Variants in CLSTN3 observed in about 807,000 individuals in gnomAD.
CLSTN3 encodes the protein calsyntenin-3.
In CLSTN3, 36 loss-of-function variants were observed where a neutral mutation model predicts 95.9. The ratio of observed to expected loss-of-function variants is 0.38; its 90% CI spans 0.29 to 0.50. CLSTN3 has a LOEUF of 0.50. CLSTN3 is among the 20% of genes least tolerant of loss of function. The probability of loss-of-function intolerance (pLI) is 0.95; values close to 1 mark genes in which losing one functional copy is unlikely to be tolerated. For missense variants in CLSTN3, 1,084 were observed against 1,268.8 expected, an observed-to-expected ratio of 0.85 and a Z score of 2.21; for synonymous variants, 481 against 504.0, an observed-to-expected ratio of 0.95 and a Z score of 0.61.
chr12:7,132,986 C>T, intron 1 of CLSTN3, 38 bp from the exon 2 acceptor site: 1 of 1,611,858 alleles, frequency 6.2e-7, no homozygotes, highest in Non-Finnish European at 8.5e-7. Flanking sequence ...AGGCCCTGCT[C>T]ACAGGTGCTT....
At position 7,148,994 on chromosome 12, in the gene CLSTN3, G is replaced by A. The variant is rs753606577; in HGVS notation, c.1870G>A (p.Val624Ile). ...TAGGTGCTTCAGCGAAGAGTCCTGC[G>A]TCTCCATCCCTGAAGTGGAGGGCTA... ...AVKCFSEESC[V>I]SIPEVEGYVV... The change falls in exon 13 of 18, where the codon GTC becomes ATC. Residue 624 changes from valine to isoleucine, a missense_variant. By Grantham distance (29) the Val-to-Ile change is conservative. Transcript: ENST00000266546. The A allele has an allele frequency of 2.0e-5, 32 of 1,614,046 alleles. No individual in the cohort carries two copies. Among genetic ancestry groups the A allele is most frequent in the African/African-American group, 9.3e-5 (7 of 74,906 alleles).
rs1441633529 is a variant in CLSTN3 at position 7,150,370 on chromosome 12, G to A, written c.2246-174G>A. On this transcript the variant is annotated intron_variant, in intron 14 of 17. Coordinates refer to ENST00000266546, the MANE Select transcript of CLSTN3 (RefSeq NM_014718.4). The surrounding 1 kb of genome is among the most constrained non-coding windows in gnomAD (Gnocchi z 4.0). ...CTCTCCATCCTAGTTAGTCAGAGTG[G>A]GCAGGGATGGAGGGGAGCATCCCTC... Among the ~76,000 whole-genome samples, 2 of 152,164 alleles carry A rather than the reference G, an allele frequency of 1.3e-5. No homozygotes were observed. The highest frequency in any genetic ancestry group is 2.9e-5 in the Non-Finnish European group (2 of 68,026).
chr12:7,150,640 C>T lies in CLSTN3; in HGVS notation c.2342C>T (p.Ser781Phe). ...CTCTACACCAGGAAGTTCCGGCTTTCCTGCTCGGAAATGAATGGCCGTTAC... is the reference window on the plus strand; with the variant it reads ...CTCTACACCAGGAAGTTCCGGCTTTTCTGCTCGGAAATGAATGGCCGTTAC... Reference protein sequence around the residue: ...AALYTRKFRLSCSEMNGRYSS... With the variant: ...AALYTRKFRLFCSEMNGRYSS... Residue 781 changes from serine (S) to phenylalanine (F), a missense_variant, in exon 15 of 18, where the codon TCC (serine) becomes TTC (phenylalanine). Ser to Phe is a radical substitution (Grantham distance 155). Transcript: ENST00000266546. The surrounding 1 kb of genome is among the most constrained non-coding windows in gnomAD (Gnocchi z 4.0). The T allele has an allele frequency of 6.2e-7, 1 of 1,614,182 alleles. No homozygotes were observed. Among genetic ancestry groups the T allele is most frequent in the Non-Finnish European group, 8.5e-7 (1 of 1,180,022 alleles).
Position 7,157,754 on chromosome 12 carries a change from C to T in CLSTN3, c.2730+63C>T. 1 of 1,524,582 alleles carries T rather than the reference C, an allele frequency of 6.6e-7. No homozygotes were observed. Among genetic ancestry groups the T allele is most frequent in the Non-Finnish European group, 8.9e-7 (1 of 1,128,330 alleles). 94.4% of individuals were successfully genotyped at this position (1,524,582 alleles called of 1,614,324 possible). A position where few individuals can be genotyped will look rare whatever the true frequency, so the allele number is the denominator to read the frequency against. On this transcript the variant is annotated intron_variant, in intron 17 of 17. Coordinates refer to ENST00000266546, the MANE Select transcript of CLSTN3 (RefSeq NM_014718.4). The surrounding 1 kb of genome is among the most constrained non-coding windows in gnomAD (Gnocchi z 5.9). The stretch of plus-strand genomic sequence containing the variant: ...GACTGTGGAGCACACACGGTGAGGA[C>T]TCCTGAGGAGGGGCAGGCCTGGGTG...
intron 1 of CLSTN3, chr12:7,131,667 G>A: frequency 2.4e-6 from 1 of 418,280 alleles, no homozygotes; most frequent in Admixed American, 2.5e-5. Flanking sequence ...AGGGTGGGAG[G>A]GGGAGCTGTG....
Position 7,142,986 on chromosome 12 carries a change from T to C in CLSTN3, c.1658T>C (p.Leu553Pro). 1 of 1,614,224 alleles carries C rather than the reference T, an allele frequency of 6.2e-7. No individual in the cohort carries two copies. The highest frequency in any genetic ancestry group is 8.5e-7 in the Non-Finnish European group (1 of 1,180,036). ...TGCCTCTATGCATGTCGGGAGGGGC[T>C]GGACTATAGGGATTTCGAGAGCCTG... is the stretch of plus-strand genomic sequence containing the variant. ...IECLYACREG[L>P]DYRDFESLGK... The change falls in exon 11 of 18, where the codon CTG (leucine) becomes CCG (proline). Residue 553 changes from leucine to proline, a missense_variant. Coordinates refer to ENST00000266546, the MANE Select transcript of CLSTN3 (RefSeq NM_014718.4).
intron 16 of CLSTN3, among the ~76,000 whole-genome samples, chr12:7,154,686 G>A (rs1939786850): frequency 6.6e-6 from 1 of 152,056 alleles, no homozygotes; most frequent in Non-Finnish European, 1.5e-5. Context: ...ACGTGTCAGT[G>A]GTTTTTAAAA....
rs751836170 is a variant in CLSTN3 at position 7,157,196 on chromosome 12, T to A, written c.2528-293T>A. Among the ~76,000 whole-genome samples the A allele has an allele frequency of 1.2e-4, 19 of 152,258 alleles. No homozygotes were observed. In the East Asian group the frequency reaches 3.5e-3, roughly 28 times the overall value. Reference sequence around the variant, plus strand: ...CTGCGAATAGGGCTGTTCATGACAGTGTTGGGCAGGGAGTCTTTTTCCTCC... The same window carrying A: ...CTGCGAATAGGGCTGTTCATGACAGAGTTGGGCAGGGAGTCTTTTTCCTCC... On this transcript the variant is annotated intron_variant, in intron 16 of 17. Coordinates refer to ENST00000266546, the MANE Select transcript of CLSTN3 (RefSeq NM_014718.4). The surrounding 1 kb of genome is among the most constrained non-coding windows in gnomAD (Gnocchi z 5.9).
intron 11 of CLSTN3, 48 bp from the exon 12 acceptor site, chr12:7,143,115 T>G (rs753985696): frequency 2.1e-5 from 34 of 1,600,920 alleles, no homozygotes; most frequent in Non-Finnish European, 2.8e-5. Flanking sequence ...TCCCTTCCTC[T>G]GCCACCTCCT....
intron 1 of CLSTN3, chr12:7,131,968 T>C (rs1208435377): frequency 2.2e-6 from 1 of 452,498 alleles, no homozygotes; most frequent in Non-Finnish European, 4.5e-6. Context: ...TCCCTCTGCC[T>C]CATGATTGTG....
intron 16 of CLSTN3, among the ~76,000 whole-genome samples, chr12:7,152,306 A>G (rs995729573): frequency 2.0e-5 from 3 of 152,006 alleles, no homozygotes; most frequent in Admixed American, 6.6e-5. Flanking sequence ...GATTTTTGGA[A>G]CCCCTTCTTA....
chr12:7,134,953 G>A (rs1359980080), intron 3 of CLSTN3, among the ~76,000 whole-genome samples: 1 of 152,168 alleles, frequency 6.6e-6, no homozygotes, highest in Non-Finnish European at 1.5e-5. Flanking sequence ...GCCCTGTGGG[G>A]TGGGGAGGAG....
In CLSTN3 at chr12:7,136,476, A is replaced by G. The variant is rs756768220; in HGVS notation, c.928+85A>G. Reference sequence around the variant, plus strand: ...CTTTTCCAAGACTCTGCTTTACATCACCACTGGCCATCCACAGGTGTTTAT... The same window carrying G: ...CTTTTCCAAGACTCTGCTTTACATCGCCACTGGCCATCCACAGGTGTTTAT... On this transcript the variant is annotated intron_variant, in intron 6 of 17. Coordinates refer to ENST00000266546, the MANE Select transcript of CLSTN3 (RefSeq NM_014718.4). The G allele has an allele frequency of 4.7e-6, 6 of 1,265,690 alleles. No individual in the cohort carries two copies. The Admixed American group carries it at 7.9e-5, about 17-fold the overall frequency. 78.4% of individuals were successfully genotyped at this position (1,265,690 alleles called of 1,614,324 possible). A position where few individuals can be genotyped will look rare whatever the true frequency, so the allele number is the denominator to read the frequency against.
chr12:7,135,431 T>C lies in CLSTN3; in HGVS notation c.488T>C (p.Ile163Thr). 6.2e-7 allele frequency: 1 copy of C among 1,614,148 alleles called. No individual in the cohort carries two copies. Among genetic ancestry groups the C allele is most frequent in the African/African-American group, 1.3e-5 (1 of 75,026 alleles). ...ACAGAGGGGAAGCTGTACGATCGCA[T>C]CCTGCGGGTGGAAGCCATTGACGGT... Reference protein sequence around the residue: ...AVTEGKLYDRILRVEAIDGDC... With the variant: ...AVTEGKLYDRTLRVEAIDGDC... The change falls in exon 4 of 18, where the codon ATC (isoleucine) becomes ACC (threonine). Residue 163 changes from isoleucine (I) to threonine (T), a missense_variant. Ile to Thr is a moderately conservative substitution (Grantham distance 89, BLOSUM62 -1). Transcript: ENST00000266546.
Position 7,149,998 on chromosome 12 carries a change from G to C in CLSTN3, c.2245+305G>C, listed in dbSNP as rs1298409162. On this transcript the variant is annotated intron_variant, in intron 14 of 17. Transcript: ENST00000266546. The surrounding 1 kb of genome is among the most constrained non-coding windows in gnomAD (Gnocchi z 4.5). ...TCCTCCTTCGGCTCATCTCTGCCCA[G>C]CTTTCTAACCCTCTAGCTGTCTGTT... 6.6e-6 allele frequency among the ~76,000 whole-genome samples: 1 copy of C among 152,132 alleles called. No homozygotes were observed. The highest frequency in any genetic ancestry group is 1.5e-5 in the Non-Finnish European group (1 of 68,024).
At position 7,135,880 on chromosome 12, in the gene CLSTN3, T is replaced by C; in HGVS notation, c.669T>C (p.Cys223=). 6.2e-7 allele frequency: 1 copy of C among 1,614,046 alleles called. No individual in the cohort carries two copies. Among genetic ancestry groups the C allele is most frequent in the Non-Finnish European group, 8.5e-7 (1 of 1,179,958 alleles). ...AGTTTACAGTGACAGCTTATGACTG[T>C]GGGAAGAAGCGGGCAGCAGATGATG... ...LYKFTVTAYD[C]GKKRAADDAE... is the part of the protein sequence containing the mutation. The change falls in exon 5 of 18, where the codon TGT becomes TGC. Residue 223 remains cysteine (C), a synonymous_variant. Transcript: ENST00000266546.
chr12:7,147,396 C>CAAAAA (rs56109046), intron 12 of CLSTN3, among the ~76,000 whole-genome samples: 555 of 50,568 alleles, frequency 0.011, 34 homozygotes, highest in South Asian at 0.04. Context: ...GAGACTCTGC[C>CAAAAA]AAAAAAAAAA....
intron 10 of CLSTN3, among the ~76,000 whole-genome samples, chr12:7,142,410 G>A (rs1939542604): frequency 6.6e-6 from 1 of 152,104 alleles, no homozygotes; most frequent in Admixed American, 6.5e-5. Flanking sequence ...GGTGGCAGGA[G>A]TCAGGAGTCA....
chr12:7,139,758 C>T (rs1378483738), intron 8 of CLSTN3, among the ~76,000 whole-genome samples: 1 of 152,032 alleles, frequency 6.6e-6, no homozygotes, highest in East Asian at 1.9e-4. Context: ...AAGAGATTCT[C>T]CTGCCTCAGC....
Sources: gnomAD v4.1 joint callset for allele counts (sites outside exome capture counted in the v4.1 genomes callset) on GRCh38, gnomAD v4.1.1 for gene constraint, Gnocchi (gnomAD v3.1) non-coding constraint, MANE v1.5 for transcripts, NCBI Gene and HGNC (gene_info 2026-07-23, HGNC 2026-07-21) for gene names.